Variants in NKAIN2 observed in about 807,000 individuals in gnomAD.
NKAIN2 encodes sodium/potassium transporting ATPase interacting 2, also known as sodium/potassium-transporting ATPase subunit beta-1-interacting protein 2.
In NKAIN2, 14 loss-of-function variants were observed where a neutral mutation model predicts 32.6. That is an observed-to-expected ratio of 0.43 (90% CI 0.28 to 0.67). NKAIN2 has a LOEUF of 0.67. Among genes scored for constraint, NKAIN2 ranks in the 30% least tolerant of loss-of-function variants. The pLI is 0.17. For synonymous variants in NKAIN2, 80 were observed against 87.2 expected (o/e 0.92, Z 0.46); for missense variants, 198 against 258.3 (o/e 0.77, Z 1.60).
intron 1 of NKAIN2, among the ~76,000 whole-genome samples, chr6:123,931,087 A>T (rs924188506): frequency 2.0e-5 from 3 of 152,004 alleles, no homozygotes; most frequent in Non-Finnish European, 4.4e-5. Context: ...TTTTCTTTGT[A>T]GAGGCTCTCA....
At chr6:124,775,075 G>A (rs1057414314) in intron 4 of NKAIN2, among the ~76,000 whole-genome samples, 2 of 152,134 alleles carry the variant, frequency 1.3e-5, no homozygotes, top group African/African-American at 4.8e-5. Flanking sequence ...ATAGGGTATG[G>A]AAGAGGCACA....
At chr6:124,626,871 A>T (rs1783371873) in intron 3 of NKAIN2, among the ~76,000 whole-genome samples, 1 of 152,160 alleles carries the variant, frequency 6.6e-6, no homozygotes, top group South Asian at 2.1e-4. Context: ...GCCCTTCCAG[A>T]GGAGAATGAA....
chr6:124,554,355 C>T (rs1305416058), intron 3 of NKAIN2, among the ~76,000 whole-genome samples: 1 of 152,182 alleles, frequency 6.6e-6, no homozygotes, highest in Non-Finnish European at 1.5e-5. Flanking sequence ...AAGCCAAAAC[C>T]TTTTCTATTG....
At chr6:124,729,096 CAG>C (rs1776504177) in intron 4 of NKAIN2, among the ~76,000 whole-genome samples, 1 of 152,112 alleles carries the variant, frequency 6.6e-6, no homozygotes, top group Admixed American at 6.5e-5. Flanking sequence ...AGTCCAGGAC[CAG>C]ATGTATTCAC....
chr6:124,216,779 G>T (rs1046621498), intron 1 of NKAIN2, among the ~76,000 whole-genome samples: 1 of 152,018 alleles, frequency 6.6e-6, no homozygotes, highest in African/African-American at 2.4e-5. Context: ...GTATTTATTG[G>T]CAAATACATA....
intron 3 of NKAIN2, among the ~76,000 whole-genome samples, chr6:124,574,952 A>AT (rs1161039795): frequency 5.9e-5 from 9 of 152,162 alleles, no homozygotes; most frequent in Non-Finnish European, 8.8e-5. Flanking sequence ...AAGGACTAGA[A>AT]TTTTTTCTGT....
chr6:124,716,493 C>G (rs1775762437), intron 4 of NKAIN2, among the ~76,000 whole-genome samples: 2 of 152,192 alleles, frequency 1.3e-5, no homozygotes, highest in Non-Finnish European at 2.9e-5. Flanking sequence ...CCCACATCAG[C>G]TAAACACAGC....
intron 3 of NKAIN2, among the ~76,000 whole-genome samples, chr6:124,420,076 C>T (rs1446176607): frequency 6.6e-6 from 1 of 152,024 alleles, no homozygotes; most frequent in African/African-American, 2.4e-5. Context: ...GATCATTAAA[C>T]TTGGTTATAT....
intron 1 of NKAIN2, among the ~76,000 whole-genome samples, chr6:124,028,887 G>GTATATATATATATATACACATATATATA (rs1781266037): frequency 2.2e-5 from 1 of 44,716 alleles, no homozygotes; most frequent in African/African-American, 4.6e-5. Flanking sequence ...ATATATATGT[G>GTATATATATATATATACACATATATATA]TATATATATA....
At chr6:124,800,685 C>A (rs1311903221) in intron 5 of NKAIN2, among the ~76,000 whole-genome samples, 1 of 152,166 alleles carries the variant, frequency 6.6e-6, no homozygotes, top group African/African-American at 2.4e-5. Context: ...TCAAGAGGCA[C>A]AGAGTGCTTC....
Position 124,590,578 on chromosome 6 carries a change from CA to C in NKAIN2, c.274-67607del, listed in dbSNP as rs759465219. ...GTAAGGGCCAGTGGCCTTGAGGCCC[CA>C]GGCACAGTCACCCACATCTGTGGCA... On this transcript the variant is annotated intron_variant, in intron 3 of 6. Transcript: ENST00000368417. 7.9e-5 allele frequency among the ~76,000 whole-genome samples: 12 copies of C among 152,270 alleles called. No individual in the cohort carries two copies. In the East Asian group the frequency reaches 2.3e-3, roughly 29 times the overall value.
intron 2 of NKAIN2, among the ~76,000 whole-genome samples, chr6:124,352,960 T>C (rs1446824391): frequency 6.6e-6 from 1 of 152,194 alleles, no homozygotes; most frequent in Non-Finnish European, 1.5e-5. Flanking sequence ...AGCAGTTAGA[T>C]GAAACCAACT....
chr6:124,132,334 T>C (rs1352523378), intron 1 of NKAIN2, among the ~76,000 whole-genome samples: 1 of 152,180 alleles, frequency 6.6e-6, no homozygotes, highest in Non-Finnish European at 1.5e-5. Flanking sequence ...CCTGCCCCAG[T>C]AGCTGAACAC....
At chr6:123,915,846 A>G (rs889862697) in intron 1 of NKAIN2, among the ~76,000 whole-genome samples, 2 of 152,200 alleles carry the variant, frequency 1.3e-5, no homozygotes, top group Non-Finnish European at 2.9e-5. Context: ...GACACTTGTC[A>G]TAGTAAAAGT....
chr6:124,422,817 C>T (rs1200246093), intron 3 of NKAIN2, among the ~76,000 whole-genome samples: 1 of 152,186 alleles, frequency 6.6e-6, no homozygotes, highest in Non-Finnish European at 1.5e-5. Context: ...CAGTGAAAAT[C>T]ACTGTGAGGT....
chr6:124,402,981 G>A (rs919652005), intron 3 of NKAIN2, among the ~76,000 whole-genome samples: 3 of 152,138 alleles, frequency 2.0e-5, no homozygotes, highest in African/African-American at 7.2e-5. Flanking sequence ...TATTTCTCAA[G>A]AGCTTGACTC....
chr6:124,257,922 G>A (rs1562454982), intron 1 of NKAIN2, among the ~76,000 whole-genome samples: 2 of 151,376 alleles, frequency 1.3e-5, no homozygotes, highest in Non-Finnish European at 2.9e-5. Flanking sequence ...GGGATTACAG[G>A]CACCCGCCAC....
chr6:124,289,931 G>A (rs1387167638), intron 2 of NKAIN2, among the ~76,000 whole-genome samples: 1 of 152,086 alleles, frequency 6.6e-6, no homozygotes, highest in African/African-American at 2.4e-5. Context: ...GTTGAGGACA[G>A]AAAATCAATG....
chr6:123,830,050 G>A (rs375335055), intron 1 of NKAIN2, among the ~76,000 whole-genome samples: 2 of 152,230 alleles, frequency 1.3e-5, no homozygotes, highest in South Asian at 2.1e-4. Context: ...TTAGGGAAAT[G>A]GGACTCAAAA....
Sources: gnomAD v4.1 joint callset for allele counts (sites outside exome capture counted in the v4.1 genomes callset) on GRCh38, gnomAD v4.1.1 for gene constraint, MANE v1.5 for transcripts, NCBI Gene and HGNC (gene_info 2026-07-23, HGNC 2026-07-21) for gene names.